Variants in SLC41A3 observed in about 807,000 individuals in gnomAD.
The protein encoded by SLC41A3 is SLC41A1-like 2.
A neutral mutation model predicts 45.4 loss-of-function variants in SLC41A3; 44 were observed. The ratio of observed to expected loss-of-function variants is 0.97; its 90% CI spans 0.76 to 1.25. SLC41A3 has a LOEUF of 1.25. SLC41A3 is among the 50% of genes most tolerant of loss of function. The pLI, the probability that SLC41A3 is intolerant of heterozygous loss-of-function variation, is 0.00. For missense variants in SLC41A3, 550 were observed against 600.6 expected (o/e 0.92, Z 0.88); for synonymous variants, 256 against 252.4 (o/e 1.01, Z -0.13).
chr3:126,056,599 G>C (rs1301024588), intron 2 of SLC41A3: 3 of 1,581,368 alleles, frequency 1.9e-6, no homozygotes, highest in Non-Finnish European at 2.6e-6. Context: ...TCAGAGCCTG[G>C]GGTGCTCCAG....
chr3:126,017,150 C>T (rs899971778), intron 6 of SLC41A3, among the ~76,000 whole-genome samples: 2 of 152,240 alleles, frequency 1.3e-5, no homozygotes, highest in African/African-American at 2.4e-5. Context: ...CCTCCTCCCA[C>T]CCTGATGCTA....
Position 126,044,895 on chromosome 3 carries a change from C to CAAAAAAAAAAAAAAAAAAAA in SLC41A3, c.381+6028_381+6047dup, listed in dbSNP as rs57581225. On this transcript the variant is annotated intron_variant, in intron 3 of 10. Coordinates refer to ENST00000360370, the MANE Select transcript of SLC41A3 (RefSeq NM_017836.4). ...TGGGCGACAGAGCGAGACTCCATCT[C>CAAAAAAAAAAAAAAAAAAAA]AAAAAAAAAAAAAAAAAAAAAAAAA... is the stretch of plus-strand genomic sequence containing the variant. 2.3e-4 allele frequency among the ~76,000 whole-genome samples: 19 copies of CAAAAAAAAAAAAAAAAAAAA among 82,720 alleles called. 2 individuals are homozygous for CAAAAAAAAAAAAAAAAAAAA. Among genetic ancestry groups the CAAAAAAAAAAAAAAAAAAAA allele is most frequent in the Non-Finnish European group, 3.3e-4 (15 of 45,144 alleles). The allele number at this position is 82,720 out of a possible 152,430, so 54.3% of individuals were successfully genotyped here. A position where few individuals can be genotyped will look rare whatever the true frequency, so the allele number is the denominator to read the frequency against.
At chr3:126,064,383 G>A (rs1944242997) in intron 2 of SLC41A3, among the ~76,000 whole-genome samples, 1 of 152,038 alleles carries the variant, frequency 6.6e-6, no homozygotes. Flanking sequence ...CCACTCTCTT[G>A]TTATGACAAA....
chr3:126,074,553 A>G (rs1005463868), intron 1 of SLC41A3, among the ~76,000 whole-genome samples: 4 of 152,300 alleles, frequency 2.6e-5, no homozygotes, highest in African/African-American at 9.6e-5. Flanking sequence ...AGGGATCCAC[A>G]TACACACAAA....
In SLC41A3 at chr3:126,026,548, C is replaced by T; in HGVS notation, c.454-69G>A. On this transcript the variant is annotated intron_variant, in intron 4 of 10. Transcript: ENST00000360370. This position sits in a 1 kb window ranked among gnomAD's most constrained non-coding sequence, Gnocchi z 4.2. ...ACAGCCACACTCCCTGCCCTTCACACCTCACTCACCGCAAGGGGCCGGGTG... is the reference window on the plus strand; with the variant it reads ...ACAGCCACACTCCCTGCCCTTCACATCTCACTCACCGCAAGGGGCCGGGTG... 2 of 1,549,244 alleles carry T rather than the reference C, an allele frequency of 1.3e-6. No individual in the cohort carries two copies. Among genetic ancestry groups the T allele is most frequent in the East Asian group, 2.3e-5 (1 of 42,624 alleles).
rs1252264567 is a variant in SLC41A3 at position 126,028,212 on chromosome 3, CTTAT to C, written c.454-1737_454-1734del. On this transcript the variant is annotated intron_variant, in intron 4 of 10. Coordinates refer to ENST00000360370, the MANE Select transcript of SLC41A3 (RefSeq NM_017836.4). ...AAGGCCTAGAAGACATCTTAGAGAC[CTTAT>C]TGGCAGCCCCTCCCCTCACAGGCCC... is the stretch of plus-strand genomic sequence containing the variant. Among the ~76,000 whole-genome samples, 93 of 152,276 alleles carry C rather than the reference CTTAT, an allele frequency of 6.1e-4. 1 individual carries two copies. Among genetic ancestry groups the C allele is most frequent in the Non-Finnish European group, 2.5e-4 (17 of 68,036 alleles).
chr3:126,021,068 G>T (rs1940826062), intron 6 of SLC41A3, among the ~76,000 whole-genome samples: 1 of 152,010 alleles, frequency 6.6e-6, no homozygotes, highest in African/African-American at 2.4e-5. Context: ...CTAATTTTTT[G>T]TATTTTTAGT....
At chr3:126,067,179 A>G (rs2108013742) in intron 2 of SLC41A3, among the ~76,000 whole-genome samples, 1 of 137,206 alleles carries the variant, frequency 7.3e-6, no homozygotes, top group African/African-American at 2.7e-5. Context: ...CATGCTCTTT[A>G]CCCAGCAATT....
rs115987142 is a variant in SLC41A3, at chr3:126,058,681, G to A, written c.274-7631C>T. Among the ~76,000 whole-genome samples the A allele has an allele frequency of 4.5e-3, 690 of 152,332 alleles. 4 individuals carry two copies. The highest frequency in any genetic ancestry group is 0.015 in the African/African-American group (631 of 41,566). ...GGCACAACCCACAGGTGCACTGTGAGGATGGCCCTTGCTCACACAGTGTGT... is the reference window on the plus strand; with the variant it reads ...GGCACAACCCACAGGTGCACTGTGAAGATGGCCCTTGCTCACACAGTGTGT... On this transcript the variant is annotated intron_variant, in intron 2 of 10. Transcript: ENST00000360370.
At chr3:126,043,440 A>C (rs1942723766) in intron 3 of SLC41A3, among the ~76,000 whole-genome samples, 3 of 152,206 alleles carry the variant, frequency 2.0e-5, no homozygotes, top group Non-Finnish European at 4.4e-5. Context: ...CAGGAACTTG[A>C]AGCCAAATGA....
intron 2 of SLC41A3, chr3:126,067,449 G>A (rs1324384182): frequency 4.1e-6 from 1 of 243,402 alleles, no homozygotes; most frequent in African/African-American, 2.3e-5. Flanking sequence ...CTCTTAGGAA[G>A]AGGGATTAGG....
chr3:126,022,702 G>A lies in SLC41A3; in HGVS notation c.745+84C>T, dbSNP rs528920835. 284 of 1,532,446 alleles carry A rather than the reference G, an allele frequency of 1.9e-4. No homozygotes were observed. The African/African-American group carries it at 3.7e-3, about 20-fold the overall frequency. 94.9% of individuals were successfully genotyped at this position (1,532,446 alleles called of 1,614,324 possible). ...AACAGCACATGGGCTGGGTGCAAAA[G>A]TACCCACTCAGCCTCAGTGGTGACC... On this transcript the variant is annotated intron_variant, in intron 6 of 10. Coordinates refer to ENST00000360370, the MANE Select transcript of SLC41A3 (RefSeq NM_017836.4).
chr3:126,098,253 G>A (rs1178605208), intron 1 of SLC41A3, among the ~76,000 whole-genome samples: 1 of 152,108 alleles, frequency 6.6e-6, no homozygotes, highest in East Asian at 1.9e-4. Flanking sequence ...TAATCCAGTA[G>A]GACTGGAGTC....
chr3:126,023,203 C>T lies in SLC41A3; in HGVS notation c.599-271G>A, dbSNP rs543125637. The T allele has an allele frequency of 3.6e-5, 13 of 361,738 alleles. No homozygotes were observed. In the South Asian group the frequency reaches 6.3e-4, roughly 17 times the overall value. The allele number at this position is 361,738 out of a possible 1,614,324, so 22.4% of individuals were successfully genotyped here. ...GTGCACATGATGCTAAGGAGTGACC[C>T]GTGGCTCCCGAGCTCCCAAATCACC... On this transcript the variant is annotated intron_variant, in intron 5 of 10. Coordinates refer to ENST00000360370, the MANE Select transcript of SLC41A3 (RefSeq NM_017836.4).
rs555593767 is a variant in SLC41A3, at chr3:126,073,583, G to A, written c.-27-5337C>T. On this transcript the variant is annotated intron_variant, in intron 1 of 10. Coordinates refer to ENST00000360370, the MANE Select transcript of SLC41A3 (RefSeq NM_017836.4). ...TGCACATGTACCCCTGAACCTAAAC[G>A]TTAAAAAATAAATAAAGCTAAAAAA... Among the ~76,000 whole-genome samples the A allele has an allele frequency of 1.2e-4, 18 of 151,918 alleles. No homozygotes were observed. In the South Asian group the frequency reaches 3.3e-3, roughly 28 times the overall value.
At chr3:126,087,801 A>AG (rs1553748265), upstream of SLC41A3, among the ~76,000 whole-genome samples, 12 of 151,778 alleles carry the variant, frequency 7.9e-5, no homozygotes, top group Middle Eastern at 3.4e-3. Context: ...GTTTAAAAAA[A>AG]AAAAGATTGT....
chr3:126,037,639 T>C (rs545310571), intron 3 of SLC41A3, among the ~76,000 whole-genome samples: 12 of 152,142 alleles, frequency 7.9e-5, no homozygotes, highest in African/African-American at 2.9e-4. Context: ...TCTAACAACC[T>C]AAAAACAGAT....
chr3:126,096,600 C>G (rs1945607822), intron 1 of SLC41A3, among the ~76,000 whole-genome samples: 1 of 152,250 alleles, frequency 6.6e-6, no homozygotes, highest in Non-Finnish European at 1.5e-5. Flanking sequence ...GCAATCTGTG[C>G]CTTAAGGGCA....
In SLC41A3 at chr3:126,007,015, G is replaced by A; in HGVS notation, c.*1C>T. On this transcript the variant is annotated 3_prime_UTR_variant, in exon 11 of 11. Transcript: ENST00000360370. Reference sequence around the variant, plus strand: ...GAGCAAATGGGACCAGCGGGGCCCAGTTAGGGAGGTCCAGATGCCAGTTCT... The same window carrying A: ...GAGCAAATGGGACCAGCGGGGCCCAATTAGGGAGGTCCAGATGCCAGTTCT... 3 of 1,614,184 alleles carry A rather than the reference G, an allele frequency of 1.9e-6. No individual in the cohort carries two copies. Among genetic ancestry groups the A allele is most frequent in the Non-Finnish European group, 2.5e-6 (3 of 1,179,998 alleles).
Sources: allele counts gnomAD v4.1 joint callset (sites outside exome capture counted in the v4.1 genomes callset), GRCh38; gene constraint gnomAD v4.1.1; non-coding constraint Gnocchi (gnomAD v3.1); transcripts MANE v1.5; gene names NCBI Gene and HGNC (gene_info 2026-07-23, HGNC 2026-07-21).